The following VPS13B variants were observed in gnomAD, a reference collection of about 807,000 sequenced individuals.
The protein encoded by VPS13B is vacuolar protein sorting 13 homolog B.
In VPS13B, 285 loss-of-function variants were observed where a neutral mutation model predicts 426.4. The observed-to-expected ratio is 0.67, with a 90% CI of 0.61 to 0.74. VPS13B has a LOEUF of 0.74. Among genes scored for constraint, VPS13B ranks in the 30% least tolerant of loss-of-function variants. The pLI is 0.00. For missense variants in VPS13B, 4,537 were observed against 4,782.6 expected (o/e 0.95, Z 1.51); for synonymous variants, 1,676 against 1,676.4 (o/e 1.00, Z 0.01).
chr8:99,642,281 T>G lies in VPS13B; in HGVS notation c.5691T>G (p.His1897Gln). 6.2e-7 allele frequency: 1 copy of G among 1,614,188 alleles called. No homozygotes were observed. The highest frequency in any genetic ancestry group is 1.3e-5 in the African/African-American group (1 of 75,060). Residue 1897 changes from histidine to glutamine, a missense_variant, in exon 34 of 62, where the codon CAT becomes CAG. Physicochemically the swap from His to Gln is conservative, Grantham distance 24. Around this residue, in one of 2 missense-constraint regions of VPS13B, gnomAD observed 4,311 missense variants for 4,474.3 expected, o/e 0.96. Transcript: ENST00000357162. The part of the protein sequence containing the change: ...KIGVLSLESL[H>Q]ASTRSSARQA... ...GGGTCCTCTCTCTTGAAAGTCTTCA[T>G]GCATCCACAAGGTCATCTGCTAGAC...
chr8:99,586,203 T>C (rs1414133890), intron 33 of VPS13B, among the ~76,000 whole-genome samples: 1 of 152,176 alleles, frequency 6.6e-6, no homozygotes, highest in South Asian at 2.1e-4. Context: ...AGGATTTCTG[T>C]TTTCTTAAAA....
chr8:99,062,825 G>T (rs1225162088), intron 3 of VPS13B, among the ~76,000 whole-genome samples: 2 of 152,116 alleles, frequency 1.3e-5, no homozygotes, highest in African/African-American at 4.8e-5. Flanking sequence ...TCTTATAATA[G>T]TTTAAGGTAT....
chr8:99,376,463 G>T (rs1045493955), intron 19 of VPS13B, among the ~76,000 whole-genome samples: 3 of 152,016 alleles, frequency 2.0e-5, no homozygotes, highest in African/African-American at 4.8e-5. Flanking sequence ...TCATGAGGTC[G>T]TTTTTGGTAT....
intron 17 of VPS13B, among the ~76,000 whole-genome samples, chr8:99,272,383 T>C (rs1032980268): frequency 6.6e-6 from 1 of 152,170 alleles, no homozygotes; most frequent in African/African-American, 2.4e-5. Context: ...CCCTAATCTA[T>C]TGCATCCTCA....
chr8:99,344,408 C>T (rs1315174450), intron 19 of VPS13B, among the ~76,000 whole-genome samples: 6 of 152,084 alleles, frequency 3.9e-5, no homozygotes, highest in Non-Finnish European at 7.4e-5. Context: ...ATATTGTTTC[C>T]TTATTGATGT....
chr8:99,330,630 T>G (rs1810497233), intron 19 of VPS13B, among the ~76,000 whole-genome samples: 1 of 151,916 alleles, frequency 6.6e-6, no homozygotes, highest in Admixed American at 6.6e-5. Flanking sequence ...ATCTATATTT[T>G]AATTTTTTCT....
chr8:99,070,411 G>A (rs958431289), intron 3 of VPS13B, among the ~76,000 whole-genome samples: 37 of 152,010 alleles, frequency 2.4e-4, no homozygotes, highest in Admixed American at 2.4e-3. Flanking sequence ...ACATACTTTG[G>A]GAATTATATC....
chr8:99,270,131 C>CTTTTTTTTATTTTTTTTTTTTTT, intron 17 of VPS13B, among the ~76,000 whole-genome samples: 1 of 30,312 alleles, frequency 3.3e-5, no homozygotes, highest in African/African-American at 1.1e-4. Flanking sequence ...ATATAAGAAT[C>CTTTTTTTTATTTTTTTTTTTTTT]TTTTTTTTTT....
intron 35 of VPS13B, among the ~76,000 whole-genome samples, chr8:99,693,857 A>G (rs2130114616): frequency 6.7e-6 from 1 of 150,148 alleles, no homozygotes; most frequent in South Asian, 2.1e-4. Context: ...GTCTCAGGAT[A>G]CAAAATGAAT....
chr8:99,684,014 A>G (rs1331840438), intron 35 of VPS13B, among the ~76,000 whole-genome samples: 1 of 152,214 alleles, frequency 6.6e-6, no homozygotes, highest in Non-Finnish European at 1.5e-5. Flanking sequence ...CCCTCTACCA[A>G]TAGTTTGCCT....
intron 17 of VPS13B, among the ~76,000 whole-genome samples, chr8:99,205,479 T>G (rs533135826): frequency 7.2e-5 from 11 of 152,188 alleles, no homozygotes; most frequent in Non-Finnish European, 1.6e-4. Flanking sequence ...GTTCTACACA[T>G]GTATCCCAGA....
At chr8:99,411,079 G>C (rs891349938) in intron 21 of VPS13B, among the ~76,000 whole-genome samples, 4 of 152,036 alleles carry the variant, frequency 2.6e-5, no homozygotes, top group Non-Finnish European at 5.9e-5. Context: ...GTATATACCT[G>C]GTAGTGGGAT....
chr8:99,537,701 G>A (rs2133713321), intron 30 of VPS13B, among the ~76,000 whole-genome samples: 1 of 152,274 alleles, frequency 6.6e-6, no homozygotes, highest in South Asian at 2.1e-4. Flanking sequence ...CCTGCCAGTA[G>A]AATTAGAGGA....
At chr8:99,015,696 G>C (rs573922456) in intron 2 of VPS13B, among the ~76,000 whole-genome samples, 38 of 151,906 alleles carry the variant, frequency 2.5e-4, no homozygotes, top group African/African-American at 8.9e-4. Flanking sequence ...GAGGTCAGGA[G>C]TTCGAGACCA....
intron 31 of VPS13B, among the ~76,000 whole-genome samples, chr8:99,572,783 A>G (rs969972562): frequency 4.6e-5 from 7 of 152,282 alleles, no homozygotes; most frequent in Admixed American, 1.3e-4. Context: ...GTGTCTTTAT[A>G]GCAGCATGAT....
In VPS13B at chr8:99,136,804, G is replaced by A. The variant is rs144337936; in HGVS notation, c.1651+52G>A. On this transcript the variant is annotated intron_variant, in intron 12 of 61. Coordinates refer to ENST00000357162, the MANE Select transcript of VPS13B (RefSeq NM_152564.5). ...CCATTTCTTGAACAACTGAAACAAA[G>A]CCTTCCTCAGAATCAATTGGTCCTT... is the stretch of plus-strand genomic sequence containing the variant. 2.7e-5 allele frequency: 42 copies of A among 1,563,322 alleles called. No homozygotes were observed. In the East Asian group the frequency reaches 9.2e-4, roughly 34 times the overall value.
intron 19 of VPS13B, among the ~76,000 whole-genome samples, chr8:99,311,531 G>A (rs1820973911): frequency 6.6e-6 from 1 of 152,226 alleles, no homozygotes; most frequent in African/African-American, 2.4e-5. Context: ...TTTGGTCTGA[G>A]AGACAGTTTG....
At position 99,507,842 on chromosome 8, in the gene VPS13B, A is replaced by G; in HGVS notation, c.4224+639A>G. On this transcript the variant is annotated intron_variant, in intron 28 of 61. Coordinates refer to ENST00000357162, the MANE Select transcript of VPS13B (RefSeq NM_152564.5). ...TTTCCTGTACTGACAAGCTGAACAG[A>G]CGCACCTTGTTGGTTCGACCCATCA... The G allele has an allele frequency of 6.2e-7, 1 of 1,614,052 alleles. No individual in the cohort carries two copies.
At position 99,546,104 on chromosome 8, in the gene VPS13B, T is replaced by C. The variant is rs563341082; in HGVS notation, c.4746-10346T>C. The stretch of plus-strand genomic sequence containing the variant: ...GAATTGCTTAATGATTATTGTAAGT[T>C]TGAGAATACTAACTTCTGTTCCTAT... On this transcript the variant is annotated intron_variant, in intron 30 of 61. Transcript: ENST00000357162. 5.1e-4 allele frequency among the ~76,000 whole-genome samples: 77 copies of C among 152,196 alleles called. 1 individual carries two copies. Among genetic ancestry groups the C allele is most frequent in the Middle Eastern group, 3.4e-3 (1 of 294 alleles).
Sources: gnomAD v4.1 joint callset for allele counts (sites outside exome capture counted in the v4.1 genomes callset) on GRCh38, gnomAD v4.1.1 for gene constraint, gnomAD v4.1.1 regional missense constraint, MANE v1.5 for transcripts, NCBI Gene and HGNC (gene_info 2026-07-23, HGNC 2026-07-21) for gene names.